Variants in IGLL1 observed in about 807,000 individuals in gnomAD.
IGLL1 encodes immunoglobulin lambda like polypeptide 1.
Under a neutral mutation model 10.5 loss-of-function variants are expected in IGLL1, and 10 were observed. That is an observed-to-expected ratio of 0.95 (90% CI 0.59 to 1.62). The LOEUF (loss-of-function observed/expected upper bound fraction) is 1.62. Ranked by LOEUF, IGLL1 falls within the 40% of genes most tolerant of loss-of-function variation. The pLI is 0.00. For missense variants in IGLL1, 284 were observed against 278.7 expected (o/e 1.02, Z -0.14); for synonymous variants, 141 against 122.7 (o/e 1.15, Z -0.99).
chr22:23,578,505 G>C (rs548402786), intron 1 of IGLL1, among the ~76,000 whole-genome samples: 1 of 152,272 alleles, frequency 6.6e-6, no homozygotes, highest in Non-Finnish European at 1.5e-5. Context: ...ACCCGGTCCC[G>C]GCCTGCCACC....
rs1924873975 is a variant in IGLL1 at position 23,573,326 on chromosome 22, G to A, written c.582C>T (p.Cys194=). 3.1e-6 allele frequency: 5 copies of A among 1,614,008 alleles called. No individual in the cohort carries two copies. Among genetic ancestry groups the A allele is most frequent in the Non-Finnish European group, 4.2e-6 (5 of 1,180,026 alleles). ...EQWRSRRSYS[C]QVMHEGSTVE... is the part of the protein sequence containing the mutation. The stretch of plus-strand genomic sequence containing the variant: ...CGGTGCTCCCTTCGTGCATGACCTG[G>A]CAGCTGTAGCTTCTGCGGGACCTCC... Residue 194 remains cysteine, a synonymous_variant, in exon 3 of 3, where the codon TGC becomes TGT. Coordinates refer to ENST00000330377, the MANE Select transcript of IGLL1 (RefSeq NM_020070.4).
At chr22:23,574,644 G>A (rs1186637532) in intron 2 of IGLL1, among the ~76,000 whole-genome samples, 1 of 152,154 alleles carries the variant, frequency 6.6e-6, no homozygotes, top group Non-Finnish European at 1.5e-5. Flanking sequence ...GCCACTGCAG[G>A]GCCCCTCATC....
chr22:23,576,594 C>A (rs1925078929), intron 1 of IGLL1, among the ~76,000 whole-genome samples: 1 of 152,130 alleles, frequency 6.6e-6, no homozygotes, highest in Admixed American at 6.5e-5. Flanking sequence ...GCACACTTGG[C>A]TAATTTTTTG....
chr22:23,580,160 C>G lies in IGLL1; in HGVS notation c.31G>C (p.Glu11Gln). The change falls in exon 1 of 3, where the codon GAG (glutamate) becomes CAG (glutamine). Residue 11 changes from glutamate to glutamine, a missense_variant. Coordinates refer to ENST00000330377, the MANE Select transcript of IGLL1 (RefSeq NM_020070.4). Reference sequence around the variant, plus strand: ...TTGGGGCCTGGCTCACCAGGGGCCTCAAGGCCCCCCTGGCCTGTCCCTGGC... The same window carrying G: ...TTGGGGCCTGGCTCACCAGGGGCCTGAAGGCCCCCCTGGCCTGTCCCTGGC... MRPGTGQGGL[E>Q]APGEPGPNLR... The G allele has an allele frequency of 1.3e-6, 2 of 1,547,174 alleles. No individual in the cohort carries two copies. The highest frequency in any genetic ancestry group is 1.7e-6 in the Non-Finnish European group (2 of 1,149,422).
chr22:23,575,055 A>C lies in IGLL1; in HGVS notation c.234T>G (p.Thr78=), dbSNP rs148009596. ...ACCCCCGGGGCCAGCACCTGGGGCC[A>C]GTCCAGGAGCCGCGCTGGAGCAGGA... ...GRFLLQRGSW[T]GPRCWPRGFQ... is the part of the protein sequence containing the mutation. Residue 78 remains threonine, a synonymous_variant, in exon 2 of 3, where the codon ACT becomes ACG. Transcript: ENST00000330377. 1.9e-4 allele frequency: 304 copies of C among 1,613,912 alleles called. 1 individual carries two copies. The highest frequency in any genetic ancestry group is 2.5e-4 in the Non-Finnish European group (293 of 1,179,898).
rs1254387166 is a variant in IGLL1 at position 23,579,053 on chromosome 22, G to C, written c.206+932C>G. Among the ~76,000 whole-genome samples, 2 of 152,150 alleles carry C rather than the reference G, an allele frequency of 1.3e-5. 1 individual carries two copies. The highest frequency in any genetic ancestry group is 3.9e-4 in the East Asian group (2 of 5,186). On this transcript the variant is annotated intron_variant, in intron 1 of 2. Transcript: ENST00000330377. ...CTCGATCAGCTTAGAGGATGGGACA[G>C]GGGAGAGCTAGAGGGGATAGCTTGG...
At position 23,580,095 on chromosome 22, in the gene IGLL1, G is replaced by A. The variant is rs377024803; in HGVS notation, c.96C>T (p.Ala32=). ...GGCGCAGCAGGCCATGGGTTACCAC[G>A]GCCAGACCCAGCAGCAGCAGGGGCC... ...QRWPLLLLGL[A]VVTHGLLRPT... is the part of the protein sequence containing the mutation. Residue 32 remains alanine (A), a synonymous_variant, in exon 1 of 3, where the codon GCC becomes GCT. Transcript: ENST00000330377. 23 of 1,571,378 alleles carry A rather than the reference G, an allele frequency of 1.5e-5. No homozygotes were observed. The highest frequency in any genetic ancestry group is 4.0e-5 in the African/African-American group (3 of 74,324).
chr22:23,575,290 CCT>C (rs1925005641), intron 1 of IGLL1, among the ~76,000 whole-genome samples: 1 of 152,118 alleles, frequency 6.6e-6, no homozygotes, highest in South Asian at 2.1e-4. Flanking sequence ...CCAGCAACTC[CCT>C]GAGTGACACA....
intron 2 of IGLL1, among the ~76,000 whole-genome samples, chr22:23,574,341 A>G (rs568442932): frequency 1.4e-4 from 21 of 152,184 alleles, no homozygotes; most frequent in Admixed American, 3.9e-4. Context: ...GGCCCCAGAG[A>G]TGACAGGGCT....
intron 2 of IGLL1, among the ~76,000 whole-genome samples, chr22:23,574,097 A>C (rs1924931401): frequency 6.7e-6 from 1 of 148,802 alleles, no homozygotes; most frequent in African/African-American, 2.6e-5. Context: ...CCCTGTCCCC[A>C]CCAGCCCGAC....
intron 1 of IGLL1, among the ~76,000 whole-genome samples, chr22:23,579,607 G>GGGA (rs1569072288): frequency 2.0e-5 from 3 of 151,444 alleles, no homozygotes; most frequent in African/African-American, 4.9e-5. Context: ...GAGGAGGAGT[G>GGGA]GGAGGAGGAG....
intron 2 of IGLL1, 42 bp from the exon 3 acceptor site, chr22:23,573,627 G>C: frequency 6.9e-7 from 1 of 1,450,376 alleles, no homozygotes; most frequent in Non-Finnish European, 9.7e-7. Context: ...CAGAGGGAGT[G>C]TGGGGTGTTG....
intron 1 of IGLL1, among the ~76,000 whole-genome samples, chr22:23,578,778 AACTC>A (rs1925184881): frequency 6.6e-6 from 1 of 151,968 alleles, no homozygotes; most frequent in Non-Finnish European, 1.5e-5. Context: ...AACATGGTGA[AACTC>A]TGTCTTTACT....
chr22:23,580,163 G>A lies in IGLL1; in HGVS notation c.28C>T (p.Leu10Phe), dbSNP rs1189196705. 1 of 1,544,726 alleles carries A rather than the reference G, an allele frequency of 6.5e-7. No homozygotes were observed. Among genetic ancestry groups the A allele is most frequent in the Admixed American group, 2.0e-5 (1 of 51,172 alleles). Residue 10 changes from leucine (L) to phenylalanine (F), a missense_variant, in exon 1 of 3, where the codon CTT becomes TTT. Transcript: ENST00000330377. Reference sequence around the variant, plus strand: ...GGGCCTGGCTCACCAGGGGCCTCAAGGCCCCCCTGGCCTGTCCCTGGCCTC... The same window carrying A: ...GGGCCTGGCTCACCAGGGGCCTCAAAGCCCCCCTGGCCTGTCCCTGGCCTC... MRPGTGQGG[L>F]EAPGEPGPNL...
chr22:23,577,358 G>A (rs5759907), intron 1 of IGLL1, among the ~76,000 whole-genome samples: 2 of 152,156 alleles, frequency 1.3e-5, no homozygotes, highest in East Asian at 1.9e-4. Context: ...AGGCAACATA[G>A]TGAGACCCCC....
chr22:23,574,850 A>T, intron 2 of IGLL1, 117 bp downstream of exon 2: 2 of 753,220 alleles, frequency 2.7e-6, no homozygotes, highest in Non-Finnish European at 4.7e-6. Flanking sequence ...CCATGGACAA[A>T]GGTAGGGGTC....
Position 23,577,345 on chromosome 22 carries a change from C to T in IGLL1, c.207-2263G>A, listed in dbSNP as rs558626814. On this transcript the variant is annotated intron_variant, in intron 1 of 2. Coordinates refer to ENST00000330377, the MANE Select transcript of IGLL1 (RefSeq NM_020070.4). ...CTTGAGCCCAGCAGTTGGAGGCCAG[C>T]CCAGGCAACATAGTGAGACCCCCAT... Among the ~76,000 whole-genome samples the T allele has an allele frequency of 5.9e-5, 9 of 151,948 alleles. No homozygotes were observed. In the East Asian group the frequency reaches 1.4e-3, roughly 23 times the overall value.
intron 1 of IGLL1, among the ~76,000 whole-genome samples, chr22:23,578,869 A>G (rs1602292917): frequency 6.6e-6 from 1 of 152,138 alleles, no homozygotes; most frequent in Non-Finnish European, 1.5e-5. Flanking sequence ...CTGAGGCAGG[A>G]GAATGTCTTG....
intron 1 of IGLL1, among the ~76,000 whole-genome samples, chr22:23,575,828 C>A (rs1255689011): frequency 6.6e-6 from 1 of 152,172 alleles, no homozygotes; most frequent in Admixed American, 6.5e-5. Context: ...CCGCTGGATG[C>A]GACACAGGGC....
Sources: allele counts gnomAD v4.1 joint callset (sites outside exome capture counted in the v4.1 genomes callset), GRCh38; gene constraint gnomAD v4.1.1; transcripts MANE v1.5; gene names NCBI Gene and HGNC (gene_info 2026-07-23, HGNC 2026-07-21).